The following ARID4B variants were observed in gnomAD, a reference collection of about 807,000 sequenced individuals.
ARID4B encodes the protein AT-rich interactive domain-containing protein 4B.
A neutral mutation model predicts 147.5 loss-of-function variants in ARID4B; 26 were observed. The observed-to-expected ratio is 0.18, with a 90% CI of 0.13 to 0.24. ARID4B has a LOEUF of 0.24. ARID4B is among the 10% of genes least tolerant of loss of function. ARID4B has a pLI of 1.00. For synonymous variants in ARID4B, 512 were observed against 507.9 expected, an observed-to-expected ratio of 1.01 and a Z score of -0.11; for missense variants, 1,179 against 1,511.5, an observed-to-expected ratio of 0.78 and a Z score of 3.65.
intron 19 of ARID4B, chr1:235,190,259 C>A (rs1248286585): frequency 6.6e-6 from 1 of 152,180 alleles, no homozygotes; most frequent in African/African-American, 2.4e-5. Context: ...ACCAGCCTGG[C>A]CAAAATGGCA....
chr1:235,298,383 A>G (rs1476233683), intron 2 of ARID4B, among the ~76,000 whole-genome samples: 1 of 151,854 alleles, frequency 6.6e-6, no homozygotes. Context: ...TAACACCACT[A>G]ATTTTCCAAA....
At chr1:235,220,121 A>C (rs1194689152) in intron 15 of ARID4B, among the ~76,000 whole-genome samples, 153 bp from the exon 16 acceptor site, 1 of 152,142 alleles carries the variant, frequency 6.6e-6, no homozygotes, top group Non-Finnish European at 1.5e-5. Flanking sequence ...AAAGCTCTAG[A>C]CAAAAATAGC....
rs750953122 is a variant in ARID4B at position 235,240,467 on chromosome 1, A to G, written c.447-16T>C. On this transcript the variant is annotated splice_polypyrimidine_tract_variant and intron_variant, in intron 7 of 23. Transcript: ENST00000264183. ...TTCCTCTGGTCTAGGGAGAGAAAAA[A>G]ATAAAATATTTCCATTTATCCTCAC... 3 of 1,608,694 alleles carry G rather than the reference A, an allele frequency of 1.9e-6. No homozygotes were observed. Among genetic ancestry groups the G allele is most frequent in the Non-Finnish European group, 8.5e-7 (1 of 1,176,278 alleles).
At chr1:235,248,938 T>C (rs936857935) in intron 6 of ARID4B, among the ~76,000 whole-genome samples, 6 of 152,222 alleles carry the variant, frequency 3.9e-5, no homozygotes, top group African/African-American at 1.4e-4. Context: ...AAAATGTCTA[T>C]GGCCCTGTTA....
chr1:235,220,268 G>C (rs779101457), intron 15 of ARID4B, 34 bp downstream of exon 15: 1 of 1,552,556 alleles, frequency 6.4e-7, no homozygotes, highest in Non-Finnish European at 8.7e-7. Context: ...ATATACCAAA[G>C]AAAGCAAAAG....
Position 235,249,058 on chromosome 1 carries a change from C to T in ARID4B, c.355-2547G>A, listed in dbSNP as rs971599709. Among the ~76,000 whole-genome samples, 7 of 152,160 alleles carry T rather than the reference C, an allele frequency of 4.6e-5. 1 individual carries two copies. The highest frequency in any genetic ancestry group is 2.9e-5 in the Non-Finnish European group (2 of 68,022). On this transcript the variant is annotated intron_variant, in intron 6 of 23. Transcript: ENST00000264183. ...AAAGAATACCAGATAATTGGCTGGG[C>T]GCGGTGGCTCACGCCTGTAATCCCA... is the stretch of plus-strand genomic sequence containing the variant.
At chr1:235,184,429 C>A (rs1664532886) in intron 19 of ARID4B, among the ~76,000 whole-genome samples, 1 of 151,400 alleles carries the variant, frequency 6.6e-6, no homozygotes, top group Non-Finnish European at 1.5e-5. Flanking sequence ...AAAAGCAACA[C>A]AACAAAACAA....
chr1:235,323,382 T>C (rs1674985190), intron 2 of ARID4B, among the ~76,000 whole-genome samples: 2 of 152,028 alleles, frequency 1.3e-5, no homozygotes, highest in South Asian at 4.1e-4. Context: ...AAGATTCTGG[T>C]ATATCCAGCC....
At position 235,266,639 on chromosome 1, in the gene ARID4B, TAGCTATTAGTGGATA is replaced by T. The variant is rs554051126; in HGVS notation, c.7-5902_7-5888del. On this transcript the variant is annotated intron_variant, in intron 2 of 23. Coordinates refer to ENST00000264183, the MANE Select transcript of ARID4B (RefSeq NM_016374.6). ...TAAAAAGCATAAGCAATTTTAAAAT[TAGCTATTAGTGGATA>T]ATAATCCTTCAAGATGCCAAAATGC... Among the ~76,000 whole-genome samples the T allele has an allele frequency of 1.1e-3, 171 of 152,274 alleles. 1 individual carries two copies. The highest frequency in any genetic ancestry group is 4.0e-3 in the African/African-American group (168 of 41,548).
intron 20 of ARID4B, chr1:235,181,323 C>T (rs1664292564): frequency 1.7e-6 from 1 of 593,272 alleles, no homozygotes; most frequent in Admixed American, 4.1e-5. Flanking sequence ...TGGATTTGGG[C>T]CTGGGTGCAA....
chr1:235,196,146 T>C, intron 17 of ARID4B, 31 bp from the exon 18 acceptor site: 1 of 1,125,594 alleles, frequency 8.9e-7, no homozygotes, highest in Admixed American at 2.3e-5. Context: ...TATAAATATG[T>C]ACAATATATA....
At chr1:235,261,823 C>T (rs951829481) in intron 2 of ARID4B, among the ~76,000 whole-genome samples, 4 of 152,054 alleles carry the variant, frequency 2.6e-5, no homozygotes. Context: ...AATTCCATAG[C>T]CAAAGGAAAA....
chr1:235,206,154 T>C (rs181744348), intron 17 of ARID4B, among the ~76,000 whole-genome samples: 34 of 152,334 alleles, frequency 2.2e-4, no homozygotes, highest in Middle Eastern at 3.4e-3. Flanking sequence ...TTAGTACTTA[T>C]CATATGCCAA....
intron 2 of ARID4B, among the ~76,000 whole-genome samples, chr1:235,280,762 G>C (rs1671614623): frequency 6.6e-6 from 1 of 152,226 alleles, no homozygotes; most frequent in Non-Finnish European, 1.5e-5. Flanking sequence ...GAGTCGCCAG[G>C]CTTCCAGTCC....
chr1:235,174,528 T>C (rs933073895), intron 22 of ARID4B, among the ~76,000 whole-genome samples: 12 of 151,996 alleles, frequency 7.9e-5, no homozygotes, highest in Admixed American at 3.9e-4. Flanking sequence ...GGGCTGGGCA[T>C]GGTGGCTCAT....
At chr1:235,250,764 C>T (rs1185177801) in intron 6 of ARID4B, among the ~76,000 whole-genome samples, 1 of 152,196 alleles carries the variant, frequency 6.6e-6, no homozygotes, top group Non-Finnish European at 1.5e-5. Flanking sequence ...CACAGACACA[C>T]TAAAACTGAA....
At chr1:235,180,121 T>C (rs1664202906) in intron 20 of ARID4B, 1 of 145,766 alleles carries the variant, frequency 6.9e-6, no homozygotes, top group African/African-American at 2.5e-5. Flanking sequence ...TTTTTTTCTT[T>C]CTTTTCTTGT....
chr1:235,326,888 G>A (rs1313004578), intron 2 of ARID4B, 26 bp downstream of exon 2: 1 of 1,613,728 alleles, frequency 6.2e-7, no homozygotes, highest in Non-Finnish European at 8.5e-7. Context: ...TAACCCCAGA[G>A]ATTCGTTTTC....
chr1:235,290,621 GT>G (rs1378423312), intron 2 of ARID4B, among the ~76,000 whole-genome samples: 4 of 152,200 alleles, frequency 2.6e-5, no homozygotes, highest in Admixed American at 6.5e-5. Context: ...AATAAATTAT[GT>G]TACATCGTAA....
Sources: allele counts gnomAD v4.1 joint callset (sites outside exome capture counted in the v4.1 genomes callset), GRCh38; gene constraint gnomAD v4.1.1; transcripts MANE v1.5; gene names NCBI Gene and HGNC (gene_info 2026-07-23, HGNC 2026-07-21).